Variants in MED12L observed in about 807,000 individuals in gnomAD.
MED12L encodes mediator of RNA polymerase II transcription subunit 12-like protein.
In MED12L, 60 loss-of-function variants were observed where a neutral mutation model predicts 281.3. That is an observed-to-expected ratio of 0.21 (90% CI 0.17 to 0.26). The LOEUF is 0.26. Ranked by LOEUF, MED12L falls within the 10% of genes least tolerant of loss-of-function variation. MED12L has a pLI of 1.00. For synonymous variants in MED12L, 974 were observed against 987.2 expected, an observed-to-expected ratio of 0.99 and a Z score of 0.25; for missense variants, 2,146 against 2,680.9, an observed-to-expected ratio of 0.80 and a Z score of 4.41.
In MED12L at chr3:151,284,334, A is replaced by C. The variant is rs1458357041; in HGVS notation, c.2251-65725A>C. ...ATAAGCCGCACCTGACATTATGTAGATCAGTCATCTCTGCCCAGCAAATGA... is the reference window on the plus strand; with the variant it reads ...ATAAGCCGCACCTGACATTATGTAGCTCAGTCATCTCTGCCCAGCAAATGA... On this transcript the variant is annotated intron_variant, in intron 16 of 44. Coordinates refer to ENST00000687756, the MANE Select transcript of MED12L (RefSeq NM_001393769.1). 2.6e-5 allele frequency among the ~76,000 whole-genome samples: 4 copies of C among 151,828 alleles called. No homozygotes were observed. The East Asian group carries it at 7.7e-4, about 29-fold the overall frequency.
intron 16 of MED12L, chr3:151,338,551 C>T (rs1249952427): frequency 6.2e-7 from 1 of 1,613,810 alleles, no homozygotes; most frequent in Non-Finnish European, 8.5e-7. Context: ...ACGGAGGTAA[C>T]TTGACACACA....
chr3:151,137,144 G>A (rs1716252743), intron 5 of MED12L, among the ~76,000 whole-genome samples: 1 of 136,906 alleles, frequency 7.3e-6, no homozygotes, highest in Non-Finnish European at 1.5e-5. Context: ...CCTGGTAACA[G>A]AGGTAGACTC....
At chr3:151,238,002 C>T (rs1190547913) in intron 16 of MED12L, among the ~76,000 whole-genome samples, 1 of 152,042 alleles carries the variant, frequency 6.6e-6, no homozygotes, top group Non-Finnish European at 1.5e-5. Context: ...ACTGTTTTCA[C>T]TTTTAAAGTT....
At chr3:151,268,756 G>A (rs1210054998) in intron 16 of MED12L, among the ~76,000 whole-genome samples, 1 of 152,138 alleles carries the variant, frequency 6.6e-6, no homozygotes, top group African/African-American at 2.4e-5. Flanking sequence ...TCTCTGCAGA[G>A]AGCTACTAAC....
chr3:151,183,085 C>G (rs1722892478), intron 11 of MED12L, among the ~76,000 whole-genome samples: 1 of 150,882 alleles, frequency 6.6e-6, no homozygotes, highest in Admixed American at 6.7e-5. Context: ...TATCAGAAAT[C>G]TGATATTTTT....
Position 151,371,190 on chromosome 3 carries a change from A to G in MED12L, c.3665-1377A>G, listed in dbSNP as rs890930181. 6.6e-5 allele frequency among the ~76,000 whole-genome samples: 10 copies of G among 152,148 alleles called. No individual in the cohort carries two copies. In the East Asian group the frequency reaches 1.9e-3, roughly 29 times the overall value. ...TTCTTATTTGCAGAAGCTCTAATTTATCCACCCTACCATGCCCTAACCAAC... is the reference window on the plus strand; with the variant it reads ...TTCTTATTTGCAGAAGCTCTAATTTGTCCACCCTACCATGCCCTAACCAAC... On this transcript the variant is annotated intron_variant, in intron 26 of 44. Transcript: ENST00000687756.
At chr3:151,234,718 G>C (rs539062433) in intron 16 of MED12L, among the ~76,000 whole-genome samples, 2 of 152,326 alleles carry the variant, frequency 1.3e-5, no homozygotes, top group South Asian at 4.1e-4. Flanking sequence ...TATCCAACCT[G>C]TATGTTCTTA....
chr3:151,326,084 G>C (rs1749556698), intron 16 of MED12L, among the ~76,000 whole-genome samples: 1 of 152,146 alleles, frequency 6.6e-6, no homozygotes, highest in Non-Finnish European at 1.5e-5. Context: ...TTTGTCAATA[G>C]CTTTAAAACT....
intron 27 of MED12L, among the ~76,000 whole-genome samples, chr3:151,375,747 T>C (rs1288796864): frequency 6.6e-6 from 1 of 152,112 alleles, no homozygotes; most frequent in Non-Finnish European, 1.5e-5. Context: ...AGCAAGACCT[T>C]ACTTTCCAGT....
chr3:151,350,517 TAAATG>T (rs1427334559), intron 17 of MED12L, among the ~76,000 whole-genome samples: 1 of 152,164 alleles, frequency 6.6e-6, no homozygotes, highest in Admixed American at 6.5e-5. Context: ...ATAGTAGTAA[TAAATG>T]AAGTACTGAA....
intron 12 of MED12L, among the ~76,000 whole-genome samples, chr3:151,187,345 A>C (rs1334403782): frequency 1.3e-5 from 2 of 152,186 alleles, no homozygotes; most frequent in African/African-American, 4.8e-5. Context: ...ACATACAAAC[A>C]TACACATTCC....
chr3:151,347,734 G>A (rs772538725), intron 16 of MED12L, among the ~76,000 whole-genome samples: 15 of 152,318 alleles, frequency 9.8e-5, no homozygotes, highest in Non-Finnish European at 1.8e-4. Flanking sequence ...ATTAACAGTA[G>A]TGAACACTGT....
At chr3:151,311,226 C>G (rs1172969122) in intron 16 of MED12L, among the ~76,000 whole-genome samples, 5 of 151,896 alleles carry the variant, frequency 3.3e-5, no homozygotes, top group Admixed American at 3.3e-4. Context: ...ATTTCTGGGT[C>G]TTAGGATGAA....
chr3:151,109,456 C>CTTTCTTTGGTTT (rs1711534975), intron 2 of MED12L, among the ~76,000 whole-genome samples: 1 of 152,174 alleles, frequency 6.6e-6, no homozygotes. Flanking sequence ...TCTCTGTGTG[C>CTTTCTTTGGTTT]CTGTCTCCCT....
intron 2 of MED12L, among the ~76,000 whole-genome samples, chr3:151,090,827 G>T (rs1428753104): frequency 6.6e-6 from 1 of 152,114 alleles, no homozygotes; most frequent in Non-Finnish European, 1.5e-5. Flanking sequence ...ATCACCTGAG[G>T]TCAGGAGTTC....
chr3:151,429,461 T>A (rs1719223392), intron 43 of MED12L, among the ~76,000 whole-genome samples: 2 of 152,048 alleles, frequency 1.3e-5, no homozygotes, highest in Admixed American at 1.3e-4. Flanking sequence ...AGAAGAGGGT[T>A]GGAGGAGGAG....
At chr3:151,216,315 G>A (rs1275936769) in intron 16 of MED12L, among the ~76,000 whole-genome samples, 1 of 152,194 alleles carries the variant, frequency 6.6e-6, no homozygotes, top group Non-Finnish European at 1.5e-5. Flanking sequence ...TGATGTCAGA[G>A]AATGCATCTT....
At chr3:151,197,332 T>C (rs542191867) in intron 16 of MED12L, among the ~76,000 whole-genome samples, 102 of 152,172 alleles carry the variant, frequency 6.7e-4, no homozygotes, top group Non-Finnish European at 1.1e-3. Context: ...GCAGGCTAAA[T>C]TTTGTATTTT....
chr3:151,101,269 A>G (rs1443542749), intron 2 of MED12L, among the ~76,000 whole-genome samples: 1 of 152,228 alleles, frequency 6.6e-6, no homozygotes, highest in Non-Finnish European at 1.5e-5. Context: ...GCCACATGAC[A>G]TTATAATAGC....
Sources: allele counts gnomAD v4.1 joint callset (sites outside exome capture counted in the v4.1 genomes callset), GRCh38; gene constraint gnomAD v4.1.1; transcripts MANE v1.5; gene names NCBI Gene and HGNC (gene_info 2026-07-23, HGNC 2026-07-21).